Variants in CCDC28A observed in about 807,000 individuals in gnomAD.
CCDC28A encodes the protein coiled-coil domain containing 28A, also known as coiled-coil domain-containing protein 28A.
Under a neutral mutation model 22.1 loss-of-function variants are expected in CCDC28A, and 24 were observed. The ratio of observed to expected loss-of-function variants is 1.09; its 90% confidence interval spans 0.79 to 1.53. The LOEUF is 1.53. Among genes scored for constraint, CCDC28A ranks in the 40% most tolerant of loss-of-function variants. The probability of loss-of-function intolerance (pLI) is 0.00; values close to 1 mark genes in which losing one functional copy is unlikely to be tolerated. For missense variants in CCDC28A, 170 were observed against 210.7 expected (o/e 0.81, Z 1.20); for synonymous variants, 83 against 74.7 (o/e 1.11, Z -0.57).
At chr6:138,789,896 T>C (rs1775145245) in intron 5 of CCDC28A, among the ~76,000 whole-genome samples, 1 of 152,218 alleles carries the variant, frequency 6.6e-6, no homozygotes, top group Non-Finnish European at 1.5e-5. Flanking sequence ...TAAAGGGGTA[T>C]GTGCATTATC....
chr6:138,789,482 A>G (rs1775138547), intron 5 of CCDC28A, among the ~76,000 whole-genome samples: 1 of 152,230 alleles, frequency 6.6e-6, no homozygotes, highest in Non-Finnish European at 1.5e-5. Flanking sequence ...TATTGCTATA[A>G]GATTATATTC....
chr6:138,775,598 A>G (rs750697801), intron 1 of CCDC28A, among the ~76,000 whole-genome samples: 42 of 152,204 alleles, frequency 2.8e-4, no homozygotes, highest in Non-Finnish European at 1.0e-4. Context: ...CCCTATGACA[A>G]TTATACATCT....
At chr6:138,784,599 A>C (rs985273612) in intron 3 of CCDC28A, among the ~76,000 whole-genome samples, 5 of 151,996 alleles carry the variant, frequency 3.3e-5, no homozygotes, top group Admixed American at 2.6e-4. Flanking sequence ...GGGCTCAAGC[A>C]GTCCTACTGC....
Position 138,779,858 on chromosome 6 carries a change from G to C in CCDC28A, c.195G>C (p.Glu65Asp). The change falls in exon 3 of 6, where the codon GAG (glutamate) becomes GAC (aspartate). Residue 65 changes from glutamate to aspartate, a missense_variant. Transcript: ENST00000617445. ...MKEKTKPQGG[E>D]GKGAQSTPIQ... ...AAAAGACCAAACCTCAGGGTGGAGA[G>C]GGCAAAGGCGCTCAGTCAACTCCGA... 6.2e-7 allele frequency: 1 copy of C among 1,613,796 alleles called. No individual in the cohort carries two copies. Among genetic ancestry groups the C allele is most frequent in the South Asian group, 1.1e-5 (1 of 91,062 alleles).
At chr6:138,783,694 T>TC (rs1373904300) in intron 3 of CCDC28A, among the ~76,000 whole-genome samples, 1 of 151,926 alleles carries the variant, frequency 6.6e-6, no homozygotes, top group African/African-American at 2.4e-5. Flanking sequence ...CGCCTCGGCC[T>TC]CCCAAAGTGC....
At chr6:138,791,033 T>C (rs1045482921) in intron 5 of CCDC28A, among the ~76,000 whole-genome samples, 2 of 152,152 alleles carry the variant, frequency 1.3e-5, no homozygotes, top group African/African-American at 4.8e-5. Context: ...TAAAAGAACA[T>C]AAAATATCTC....
chr6:138,786,228 T>C (rs1301579202), intron 4 of CCDC28A, among the ~76,000 whole-genome samples: 4 of 152,162 alleles, frequency 2.6e-5, no homozygotes, highest in Non-Finnish European at 2.9e-5. Context: ...GATGACCTCA[T>C]TGTGACTTAA....
chr6:138,781,654 A>G (rs1189427464), intron 3 of CCDC28A, among the ~76,000 whole-genome samples: 1 of 152,276 alleles, frequency 6.6e-6, no homozygotes, highest in South Asian at 2.1e-4. Flanking sequence ...GAGTTTGAAG[A>G]TCCGTGTGTG....
chr6:138,789,406 G>T (rs1040591580), intron 5 of CCDC28A, among the ~76,000 whole-genome samples: 1 of 152,108 alleles, frequency 6.6e-6, no homozygotes, highest in Non-Finnish European at 1.5e-5. Flanking sequence ...CTGTAATACA[G>T]GGTAATTGCT....
intron 2 of CCDC28A, 62 bp from the exon 3 acceptor site, chr6:138,779,760 A>G (rs1017513052): frequency 2.3e-5 from 31 of 1,324,778 alleles, no homozygotes; most frequent in Non-Finnish European, 3.1e-5. Context: ...ACTTCACTAA[A>G]AAATTAAGCA....
chr6:138,785,155 T>G (rs1775072826), intron 3 of CCDC28A, 72 bp from the exon 4 acceptor site: 7 of 946,646 alleles, frequency 7.4e-6, no homozygotes, highest in Non-Finnish European at 1.1e-5. Flanking sequence ...CACCTAGAGT[T>G]TAAGTGTTTT....
At chr6:138,787,628 T>G (rs769540109) in intron 4 of CCDC28A, among the ~76,000 whole-genome samples, 1 of 152,168 alleles carries the variant, frequency 6.6e-6, no homozygotes, top group Non-Finnish European at 1.5e-5. Flanking sequence ...TGATTGTTAT[T>G]ATGCCTGGTT....
At chr6:138,778,886 G>C (rs957856484) in intron 2 of CCDC28A, among the ~76,000 whole-genome samples, 1 of 151,506 alleles carries the variant, frequency 6.6e-6, no homozygotes, top group Non-Finnish European at 1.5e-5. Context: ...TCCTGCCTCA[G>C]CCTCCCAAGT....
chr6:138,785,837 T>G (rs184125228), intron 4 of CCDC28A, among the ~76,000 whole-genome samples: 144 of 152,318 alleles, frequency 9.5e-4, no homozygotes, highest in African/African-American at 3.4e-3. Context: ...ACAGATATAA[T>G]AAAATCTTAA....
chr6:138,784,162 C>T (rs1266015670), intron 3 of CCDC28A, among the ~76,000 whole-genome samples: 1 of 152,112 alleles, frequency 6.6e-6, no homozygotes, highest in Non-Finnish European at 1.5e-5. Context: ...GCTAGGATTA[C>T]AGGCATGAGC....
At chr6:138,786,331 T>C (rs1287211686) in intron 4 of CCDC28A, among the ~76,000 whole-genome samples, 1 of 152,196 alleles carries the variant, frequency 6.6e-6, no homozygotes, top group Non-Finnish European at 1.5e-5. Context: ...GTACACTGTT[T>C]AGCACATAAC....
chr6:138,774,833 C>T (rs984878815), intron 1 of CCDC28A, among the ~76,000 whole-genome samples: 12 of 152,166 alleles, frequency 7.9e-5, no homozygotes, highest in Admixed American at 7.2e-4. Context: ...CAATTTACAA[C>T]CTGATGAGGT....
chr6:138,781,048 C>G (rs1011911582), intron 3 of CCDC28A, among the ~76,000 whole-genome samples: 2 of 152,074 alleles, frequency 1.3e-5, no homozygotes, highest in African/African-American at 4.8e-5. Flanking sequence ...CTTAACTTCC[C>G]CATTCCCTCT....
chr6:138,788,229 A>AAAGT, intron 4 of CCDC28A, 137 bp from the exon 5 acceptor site: 1 of 376,840 alleles, frequency 2.7e-6, no homozygotes, highest in Non-Finnish European at 4.8e-6. Context: ...CCAAAGTGCC[A>AAAGT]GGATTATAAG....
Sources: allele counts gnomAD v4.1 joint callset (sites outside exome capture counted in the v4.1 genomes callset), GRCh38; gene constraint gnomAD v4.1.1; transcripts MANE v1.5; gene names NCBI Gene and HGNC (gene_info 2026-07-23, HGNC 2026-07-21).